The following LRBA variants were observed in gnomAD, a reference collection of about 807,000 sequenced individuals.
LRBA encodes LPS responsive beige-like anchor protein.
A neutral mutation model predicts 330.0 loss-of-function variants in LRBA; 176 were observed. That is an observed-to-expected ratio of 0.53 (90% confidence interval 0.47 to 0.60). The LOEUF (loss-of-function observed/expected upper bound fraction) is 0.60. Among genes scored for constraint, LRBA ranks in the 20% least tolerant of loss-of-function variants. The probability of loss-of-function intolerance (pLI) is 0.00; values close to 1 mark genes in which losing one functional copy is unlikely to be tolerated. For missense variants in LRBA, 3,259 were observed against 3,444.8 expected (o/e 0.95, Z 1.35); for synonymous variants, 1,230 against 1,193.0 (o/e 1.03, Z -0.64).
chr4:150,709,245 ACT>A (rs1239546371), intron 36 of LRBA, among the ~76,000 whole-genome samples: 1 of 151,884 alleles, frequency 6.6e-6, no homozygotes, highest in Non-Finnish European at 1.5e-5. Flanking sequence ...ATTGTAACAC[ACT>A]GTTTCAAAAT....
intron 31 of LRBA, among the ~76,000 whole-genome samples, chr4:150,811,426 GGA>G (rs1743703025): frequency 1.6e-5 from 1 of 63,598 alleles, no homozygotes; most frequent in Non-Finnish European, 7.7e-5. Flanking sequence ...TGAGGCTTTA[GGA>G]AAAAAAAAAA....
At chr4:150,896,843 G>A (rs1242232331) in intron 15 of LRBA, among the ~76,000 whole-genome samples, 1 of 151,938 alleles carries the variant, frequency 6.6e-6, no homozygotes, top group African/African-American at 2.4e-5. Flanking sequence ...AACAGTTTCT[G>A]AAATTATCAA....
Position 150,900,093 on chromosome 4 carries a change from G to T in LRBA, c.1880C>A (p.Ala627Glu). Residue 627 changes from alanine to glutamate, a missense_variant, in exon 14 of 57, where the codon GCA becomes GAA. By Grantham distance (107) the Ala-to-Glu change is moderately radical. Transcript: ENST00000651943. ...IMHTLKYYYWAVNPQDRSGIT... is the reference protein window; with the variant it reads ...IMHTLKYYYWEVNPQDRSGIT... The stretch of plus-strand genomic sequence containing the variant: ...ACCACTTCGATCCTGAGGATTCACT[G>T]CCCAGTAGTAGTACTTCAGCGTGTG... 1 of 1,613,350 alleles carries T rather than the reference G, an allele frequency of 6.2e-7. No individual in the cohort carries two copies. Among genetic ancestry groups the T allele is most frequent in the Non-Finnish European group, 8.5e-7 (1 of 1,179,478 alleles).
chr4:150,470,533 A>G (rs1441607996), intron 43 of LRBA, among the ~76,000 whole-genome samples: 1 of 152,034 alleles, frequency 6.6e-6, no homozygotes, highest in Non-Finnish European at 1.5e-5. Context: ...TCCTAGTTCT[A>G]AGTTCCGAAT....
chr4:150,784,528 G>T (rs1019878596), intron 34 of LRBA, among the ~76,000 whole-genome samples: 1 of 152,084 alleles, frequency 6.6e-6, no homozygotes, highest in Admixed American at 6.5e-5. Flanking sequence ...AGGGTGGGAG[G>T]CCCAGCCTTT....
intron 2 of LRBA, among the ~76,000 whole-genome samples, chr4:150,945,966 AT>A (rs1467127950): frequency 6.6e-6 from 1 of 152,018 alleles, no homozygotes; most frequent in East Asian, 1.9e-4. Context: ...AGCATGGCTA[AT>A]TTTTGTATTT....
chr4:150,747,291 G>A (rs907398184), intron 35 of LRBA, among the ~76,000 whole-genome samples: 1 of 152,170 alleles, frequency 6.6e-6, no homozygotes, highest in Admixed American at 6.5e-5. Context: ...CTCCACAGAA[G>A]TAATCCCCTA....
chr4:150,462,841 T>C (rs928039869), intron 44 of LRBA, among the ~76,000 whole-genome samples: 1 of 151,910 alleles, frequency 6.6e-6, no homozygotes, highest in Non-Finnish European at 1.5e-5. Flanking sequence ...AACAGTAATG[T>C]TTACAAAATG....
chr4:150,390,394 A>G lies in LRBA; in HGVS notation c.7194+25044T>C, dbSNP rs143160663. Among the ~76,000 whole-genome samples, 273 of 152,194 alleles carry G rather than the reference A, an allele frequency of 1.8e-3. 6 individuals are homozygous for G. The East Asian group carries it at 0.035, about 19-fold the overall frequency. ...AAACATCTGCCTCACTCCCCACATC[A>G]CATTCTCTGCCATCTGACCTGCCTT... is the stretch of plus-strand genomic sequence containing the variant. On this transcript the variant is annotated intron_variant, in intron 47 of 56. Transcript: ENST00000651943.
chr4:150,433,654 T>G (rs969889302), intron 46 of LRBA, among the ~76,000 whole-genome samples: 2 of 152,134 alleles, frequency 1.3e-5, no homozygotes, highest in Non-Finnish European at 2.9e-5. Context: ...TAACAAAATG[T>G]CAGGCTTATC....
intron 36 of LRBA, among the ~76,000 whole-genome samples, chr4:150,719,338 A>T (rs978830826): frequency 5.3e-4 from 80 of 152,178 alleles, no homozygotes; most frequent in Non-Finnish European, 6.6e-4. Flanking sequence ...ATTTAAAAAA[A>T]GTGCAATCTT....
chr4:150,610,216 T>C (rs935221760), intron 37 of LRBA, among the ~76,000 whole-genome samples: 4 of 152,122 alleles, frequency 2.6e-5, no homozygotes, highest in African/African-American at 4.8e-5. Flanking sequence ...ACCATTGAGG[T>C]AGCATCGATC....
At chr4:150,765,204 T>G (rs533843411) in intron 34 of LRBA, among the ~76,000 whole-genome samples, 1 of 152,148 alleles carries the variant, frequency 6.6e-6, no homozygotes, top group Non-Finnish European at 1.5e-5. Context: ...CTATATGACA[T>G]TTTGGAAAAG....
intron 35 of LRBA, among the ~76,000 whole-genome samples, chr4:150,748,184 T>G (rs1041046420): frequency 6.6e-6 from 1 of 152,182 alleles, no homozygotes; most frequent in Non-Finnish European, 1.5e-5. Context: ...ATCACATATA[T>G]GTTTATTTCT....
chr4:150,753,570 T>C (rs1032973222), intron 35 of LRBA, among the ~76,000 whole-genome samples: 2 of 152,164 alleles, frequency 1.3e-5, no homozygotes, highest in African/African-American at 4.8e-5. Flanking sequence ...CATAAGCATA[T>C]TCTACAGGCA....
chr4:150,334,785 G>A (rs1408663641), intron 48 of LRBA, among the ~76,000 whole-genome samples: 18 of 149,078 alleles, frequency 1.2e-4, no homozygotes, highest in African/African-American at 4.4e-4. Flanking sequence ...AAAAAGGTCT[G>A]CAAATATTTG....
chr4:150,952,969 G>A (rs1737015465), intron 2 of LRBA, among the ~76,000 whole-genome samples: 2 of 151,834 alleles, frequency 1.3e-5, no homozygotes, highest in Admixed American at 1.3e-4. Context: ...CCTCCATCAA[G>A]CCCTTCGCCC....
intron 56 of LRBA, among the ~76,000 whole-genome samples, chr4:150,266,151 G>T (rs995869884): frequency 7.2e-5 from 11 of 152,028 alleles, no homozygotes; most frequent in African/African-American, 2.7e-4. Flanking sequence ...GGGCTGGCAA[G>T]ACCCATCCAT....
intron 22 of LRBA, among the ~76,000 whole-genome samples, chr4:150,862,277 C>A (rs1388838097): frequency 1.3e-5 from 2 of 152,178 alleles, no homozygotes; most frequent in South Asian, 4.1e-4. Flanking sequence ...TTGCAGCCAA[C>A]CCAAATGTCC....
Sources: allele counts gnomAD v4.1 joint callset (sites outside exome capture counted in the v4.1 genomes callset), GRCh38; gene constraint gnomAD v4.1.1; transcripts MANE v1.5; gene names NCBI Gene and HGNC (gene_info 2026-07-23, HGNC 2026-07-21).